Variants in TPRG1L observed in about 807,000 individuals in gnomAD.
TPRG1L encodes the protein tumor protein p63-regulated gene 1-like protein.
In TPRG1L, 25 loss-of-function variants were observed where a neutral mutation model predicts 29.4. The ratio of observed to expected loss-of-function variants is 0.85; its 90% CI spans 0.62 to 1.19. TPRG1L has a LOEUF of 1.19. Among genes scored for constraint, TPRG1L ranks in the 50% most tolerant of loss-of-function variants. TPRG1L has a pLI of 0.00. For synonymous variants in TPRG1L, 182 were observed against 151.1 expected (o/e 1.20, Z -1.50); for missense variants, 354 against 364.4 (o/e 0.97, Z 0.23).
At position 3,625,697 on chromosome 1, in the gene TPRG1L, C is replaced by T. The variant is rs143481657; in HGVS notation, c.294-16C>T. 1.6e-3 allele frequency: 2,585 copies of T among 1,605,076 alleles called. 32 individuals are homozygous for T. In the African/African-American group the frequency reaches 0.028, roughly 18 times the overall value. On this transcript the variant is annotated splice_polypyrimidine_tract_variant and intron_variant, in intron 2 of 4. Transcript: ENST00000378344. Reference sequence around the variant, plus strand: ...GCCGCGTCCAGTGTGGACTGAGGCCCCTCCTCTGCCTACAGGGTGGATCAC... The same window carrying T: ...GCCGCGTCCAGTGTGGACTGAGGCCTCTCCTCTGCCTACAGGGTGGATCAC...
Position 3,628,642 on chromosome 1 carries a change from C to A in TPRG1L, c.*39C>A. On this transcript the variant is annotated 3_prime_UTR_variant, in exon 5 of 5. Coordinates refer to ENST00000378344, the MANE Select transcript of TPRG1L (RefSeq NM_182752.4). ...GGAGCTCCTCCCCCTTCTGGGAGCTCCTCCCCCTCCCCAGAAGGCCAAGGG... is the reference window on the plus strand; with the variant it reads ...GGAGCTCCTCCCCCTTCTGGGAGCTACTCCCCCTCCCCAGAAGGCCAAGGG... 6.7e-7 allele frequency: 1 copy of A among 1,493,706 alleles called. No homozygotes were observed. Among genetic ancestry groups the A allele is most frequent in the Non-Finnish European group, 9.0e-7 (1 of 1,108,734 alleles). 92.5% of individuals were successfully genotyped at this position (1,493,706 alleles called of 1,614,324 possible). A position where few individuals can be genotyped will look rare whatever the true frequency, so the allele number is the denominator to read the frequency against.
Position 3,628,566 on chromosome 1 carries a change from TG to T in TPRG1L, c.785del (p.Gly262AlafsTer4), listed in dbSNP as rs760162471. ...LMSFINNEAK[L>X]GYSMTRGKIG... The stretch of plus-strand genomic sequence containing the variant: ...TCCTTCATTAACAACGAGGCGAAAC[TG>T]GGCTACTCCATGACCAGGGGCAAAA... On this transcript the variant is annotated frameshift_variant, in exon 5 of 5. Transcript: ENST00000378344. LOFTEE classifies it high-confidence loss of function. The T allele has an allele frequency of 6.2e-7, 1 of 1,611,972 alleles. No individual in the cohort carries two copies. Among genetic ancestry groups the T allele is most frequent in the Non-Finnish European group, 8.5e-7 (1 of 1,178,700 alleles).
chr1:3,628,846 C>T lies in TPRG1L; in HGVS notation c.*243C>T. The T allele has an allele frequency of 2.5e-6, 1 of 403,466 alleles. No homozygotes were observed. The highest frequency in any genetic ancestry group is 4.5e-6 in the Non-Finnish European group (1 of 224,230). 25.0% of individuals were successfully genotyped at this position (403,466 alleles called of 1,614,324 possible). On this transcript the variant is annotated 3_prime_UTR_variant, in exon 5 of 5. Transcript: ENST00000378344. Reference sequence around the variant, plus strand: ...TAAGCTACAGACAAAAGCCAAAAGACTCTCGCTGTCCCTGTGCTGCTGGTA... The same window carrying T: ...TAAGCTACAGACAAAAGCCAAAAGATTCTCGCTGTCCCTGTGCTGCTGGTA...
At position 3,628,837 on chromosome 1, in the gene TPRG1L, G is replaced by A. The variant is rs1194211509; in HGVS notation, c.*234G>A. 3 of 418,478 alleles carry A rather than the reference G, an allele frequency of 7.2e-6. No individual in the cohort carries two copies. The highest frequency in any genetic ancestry group is 3.9e-5 in the Admixed American group (1 of 25,390). The allele number at this position is 418,478 out of a possible 1,614,324, so 25.9% of individuals were successfully genotyped here. Reference sequence around the variant, plus strand: ...CTGCTCATATAAGCTACAGACAAAAGCCAAAAGACTCTCGCTGTCCCTGTG... The same window carrying A: ...CTGCTCATATAAGCTACAGACAAAAACCAAAAGACTCTCGCTGTCCCTGTG... On this transcript the variant is annotated 3_prime_UTR_variant, in exon 5 of 5. Transcript: ENST00000378344.
In TPRG1L at chr1:3,625,418, G is replaced by A. The variant is rs1480381831; in HGVS notation, c.202-6G>A. 1 of 1,511,082 alleles carries A rather than the reference G, an allele frequency of 6.6e-7. No individual in the cohort carries two copies. 93.6% of individuals were successfully genotyped at this position (1,511,082 alleles called of 1,614,324 possible). On this transcript the variant is annotated splice_region_variant and splice_polypyrimidine_tract_variant and intron_variant, in intron 1 of 4. Transcript: ENST00000378344. The stretch of plus-strand genomic sequence containing the variant: ...GCCCCCGTCCCCCACCCCGCAACCC[G>A]CCCAGCCCGGCAGCATCGAGCAGGC...
chr1:3,628,316 G>A (rs1644503112), intron 4 of TPRG1L, 93 bp from the exon 5 acceptor site: 2 of 1,119,356 alleles, frequency 1.8e-6, no homozygotes, highest in South Asian at 1.6e-5. Context: ...GCATTTGGAG[G>A]GATTTAAGTG....
chr1:3,625,580 G>A (rs1570281395), intron 2 of TPRG1L, 65 bp downstream of exon 2: 1 of 1,571,080 alleles, frequency 6.4e-7, no homozygotes. Flanking sequence ...AGCACCTTGC[G>A]AGGACTTCCC....
rs971705853 is a variant in TPRG1L, at chr1:3,625,362, C to T, written c.202-62C>T. 7.1e-6 allele frequency: 11 copies of T among 1,544,186 alleles called. No individual in the cohort carries two copies. In the Middle Eastern group the frequency reaches 6.8e-4, roughly 96 times the overall value. ...GTCGGAGGCGGGCGCCGGGCGGTCCCGCAGGGAGCGAGCTGTGACCTGTGA... is the reference window on the plus strand; with the variant it reads ...GTCGGAGGCGGGCGCCGGGCGGTCCTGCAGGGAGCGAGCTGTGACCTGTGA... On this transcript the variant is annotated intron_variant, in intron 1 of 4. Transcript: ENST00000378344.
In TPRG1L at chr1:3,628,519, C is replaced by G. The variant is rs769486665; in HGVS notation, c.735C>G (p.Ile245Met). Reference protein sequence around the residue: ...GVLILERPLLIETYVGLMSFI... With the variant: ...GVLILERPLLMETYVGLMSFI... Reference sequence around the variant, plus strand: ...TGATCCTGGAGCGCCCCCTGCTCATCGAGACCTACGTGGGACTCATGTCCT... The same window carrying G: ...TGATCCTGGAGCGCCCCCTGCTCATGGAGACCTACGTGGGACTCATGTCCT... Residue 245 changes from isoleucine to methionine, a missense_variant, in exon 5 of 5, where the codon ATC (isoleucine) becomes ATG (methionine). Coordinates refer to ENST00000378344, the MANE Select transcript of TPRG1L (RefSeq NM_182752.4). 2 of 1,613,998 alleles carry G rather than the reference C, an allele frequency of 1.2e-6. No homozygotes were observed. The highest frequency in any genetic ancestry group is 1.7e-6 in the Non-Finnish European group (2 of 1,179,990).
intron 4 of TPRG1L, 34 bp downstream of exon 4, chr1:3,627,687 C>A (rs1374572333): frequency 6.2e-7 from 1 of 1,610,348 alleles, no homozygotes; most frequent in African/African-American, 1.3e-5. Flanking sequence ...GCCGCGCCCC[C>A]CGCAGTGATG....
rs987776439 is a variant in TPRG1L at position 3,628,714 on chromosome 1, C to T, written c.*111C>T. ...GAGGCCTGGCAGTCTTCATGCTGCCCTGCTGCTGCTGGAAGGATGGGGATC... is the reference window on the plus strand; with the variant it reads ...GAGGCCTGGCAGTCTTCATGCTGCCTTGCTGCTGCTGGAAGGATGGGGATC... On this transcript the variant is annotated 3_prime_UTR_variant, in exon 5 of 5. Transcript: ENST00000378344. The T allele has an allele frequency of 3.0e-6, 3 of 991,066 alleles. No homozygotes were observed. The highest frequency in any genetic ancestry group is 4.4e-6 in the Non-Finnish European group (3 of 681,690). The allele number at this position is 991,066 out of a possible 1,614,324, so 61.4% of individuals were successfully genotyped here.
At chr1:3,625,560 G>A (rs763067935) in intron 2 of TPRG1L, 45 bp downstream of exon 2, 39 of 1,578,396 alleles carry the variant, frequency 2.5e-5, no homozygotes, top group Middle Eastern at 1.7e-4. Flanking sequence ...CTCGCCCCGA[G>A]CCGCCGCGCA....
intron 1 of TPRG1L, 37 bp downstream of exon 1, chr1:3,625,310 G>A (rs1644475358): frequency 6.9e-7 from 1 of 1,450,620 alleles, no homozygotes; most frequent in African/African-American, 1.5e-5. Context: ...GGGGCCGAGG[G>A]CGCGGGGCGG....
Position 3,628,480 on chromosome 1 carries a change from G to T in TPRG1L, c.696G>T (p.Gln232His). 6.2e-7 allele frequency: 1 copy of T among 1,614,146 alleles called. No individual in the cohort carries two copies. The highest frequency in any genetic ancestry group is 8.5e-7 in the Non-Finnish European group (1 of 1,179,976). Residue 232 changes from glutamine (Q) to histidine (H), a missense_variant, in exon 5 of 5, where the codon CAG (glutamine) becomes CAT (histidine). Coordinates refer to ENST00000378344, the MANE Select transcript of TPRG1L (RefSeq NM_182752.4). ...KAQKESPLPG[Q>H]ANGVLILERP... ...AAAAAGAAAGCCCTTTGCCAGGACA[G>T]GCGAATGGCGTGCTGATCCTGGAGC...
chr1:3,627,452 C>T, intron 3 of TPRG1L, 48 bp from the exon 4 acceptor site: 1 of 1,607,854 alleles, frequency 6.2e-7, no homozygotes, highest in South Asian at 1.1e-5. Context: ...TCCATGAGAG[C>T]ACTGTGGCCT....
chr1:3,627,681 C>T (rs779493501), intron 4 of TPRG1L, 28 bp downstream of exon 4: 62 of 1,611,258 alleles, frequency 3.8e-5, no homozygotes, highest in Non-Finnish European at 4.7e-5. Context: ...TAAATAGCCG[C>T]GCCCCCCGCA....
chr1:3,628,631 TTCTGGGAGCTCCTCCCC>T lies in TPRG1L; in HGVS notation c.*29_*45del. On this transcript the variant is annotated 3_prime_UTR_variant, in exon 5 of 5. Transcript: ENST00000378344. ...GCTGCGTTCTGGGAGCTCCTCCCCC[TTCTGGGAGCTCCTCCCC>T]CTCCCCAGAAGGCCAAGGGATGTGG... 3 of 1,326,600 alleles carry T rather than the reference TTCTGGGAGCTCCTCCCC, an allele frequency of 2.3e-6. No individual in the cohort carries two copies. The highest frequency in any genetic ancestry group is 2.9e-6 in the Non-Finnish European group (3 of 1,027,938). The allele number at this position is 1,326,600 out of a possible 1,614,324, so 82.2% of individuals were successfully genotyped here.
rs1429864629 is a variant in TPRG1L at position 3,629,972 on chromosome 1, G to C, written c.*1369G>C. ...CTAGGACTTGTAGCTTTAAGCAAAC[G>C]GTGTGGCATGGGTTGAGTGTGGCCA... On this transcript the variant is annotated 3_prime_UTR_variant, in exon 5 of 5. Transcript: ENST00000378344. 1 of 152,272 alleles carries C rather than the reference G, an allele frequency of 6.6e-6. No individual in the cohort carries two copies. The highest frequency in any genetic ancestry group is 6.5e-5 in the Admixed American group (1 of 15,280). 9.4% of individuals were successfully genotyped at this position (152,272 alleles called of 1,614,324 possible).
At position 3,630,103 on chromosome 1, in the gene TPRG1L, T is replaced by G. The variant is rs900399822; in HGVS notation, c.*1500T>G. On this transcript the variant is annotated 3_prime_UTR_variant, in exon 5 of 5. Coordinates refer to ENST00000378344, the MANE Select transcript of TPRG1L (RefSeq NM_182752.4). The stretch of plus-strand genomic sequence containing the variant: ...GGATGTTGTTCCTTTTTTGAAGTTG[T>G]CATTAAAGTAGGTGCAACAACCAAG... 2.6e-5 allele frequency: 4 copies of G among 152,258 alleles called. No homozygotes were observed. Among genetic ancestry groups the G allele is most frequent in the African/African-American group, 9.6e-5 (4 of 41,470 alleles). 9.4% of individuals were successfully genotyped at this position (152,258 alleles called of 1,614,324 possible).
Sources: gnomAD v4.1 joint callset for allele counts on GRCh38, gnomAD v4.1.1 for gene constraint, MANE v1.5 for transcripts, NCBI Gene and HGNC (gene_info 2026-07-23, HGNC 2026-07-21) for gene names.